Variants in CFAP300 observed in about 807,000 individuals in gnomAD.
The protein encoded by CFAP300 is cilia- and flagella-associated protein 300.
CFAP300 carries 32 observed loss-of-function variants against 33.0 expected under a neutral mutation model. The observed-to-expected ratio is 0.97, with a 90% CI of 0.73 to 1.30. The LOEUF (loss-of-function observed/expected upper bound fraction) is 1.30, where lower values mean the gene tolerates loss of function less well. Among genes scored for constraint, CFAP300 ranks in the 50% most tolerant of loss-of-function variants. CFAP300 has a pLI of 0.00. For missense variants in CFAP300, 356 were observed against 318.1 expected, an observed-to-expected ratio of 1.12 and a Z score of -0.90; for synonymous variants, 102 against 106.8, an observed-to-expected ratio of 0.95 and a Z score of 0.28.
In CFAP300 at chr11:102,047,808, G is replaced by T. The variant is rs1941905585; in HGVS notation, c.111-7G>T. On this transcript the variant is annotated splice_polypyrimidine_tract_variant and splice_region_variant and intron_variant, in intron 1 of 6. Transcript: ENST00000434758. ...CCAGATGATTTCTTTTTCCTCCTCT[G>T]CCCCAGGTCCATGCTGGGCAGAATC... 6 of 1,613,916 alleles carry T rather than the reference G, an allele frequency of 3.7e-6. No individual in the cohort carries two copies. The highest frequency in any genetic ancestry group is 5.1e-6 in the Non-Finnish European group (6 of 1,179,992).
intron 4 of CFAP300, among the ~76,000 whole-genome samples, chr11:102,068,600 A>G (rs1434782541): frequency 6.6e-6 from 1 of 152,196 alleles, no homozygotes; most frequent in Non-Finnish European, 1.5e-5. Context: ...CAGTCTAGCC[A>G]ATATGGCAAA....
At chr11:102,077,009 A>G (rs1172339195) in intron 5 of CFAP300, among the ~76,000 whole-genome samples, 4 of 152,272 alleles carry the variant, frequency 2.6e-5, no homozygotes. Context: ...TACTGTCCTA[A>G]TTATTTGAAG....
chr11:102,052,571 A>G (rs1416384023), intron 2 of CFAP300, among the ~76,000 whole-genome samples: 1 of 152,266 alleles, frequency 6.6e-6, no homozygotes, highest in Admixed American at 6.5e-5. Context: ...CCATAAGAAC[A>G]GGGACTGTGT....
chr11:102,075,986 T>C lies in CFAP300; in HGVS notation c.549T>C (p.Tyr183=). The C allele has an allele frequency of 6.2e-7, 1 of 1,613,954 alleles. No homozygotes were observed. Among genetic ancestry groups the C allele is most frequent in the Non-Finnish European group, 8.5e-7 (1 of 1,179,924 alleles). ...HLCLGGALCQ[Y]EDVISPYLET... is the part of the protein sequence containing the mutation. Reference sequence around the variant, plus strand: ...GCCTTGGTGGAGCCCTTTGTCAATATGAGGATGTGATTAGCCCATATCTGG... The same window carrying C: ...GCCTTGGTGGAGCCCTTTGTCAATACGAGGATGTGATTAGCCCATATCTGG... Residue 183 remains tyrosine (Y), a synonymous_variant, in exon 5 of 7, where the codon TAT becomes TAC. Coordinates refer to ENST00000434758, the MANE Select transcript of CFAP300 (RefSeq NM_032930.3).
intron 3 of CFAP300, among the ~76,000 whole-genome samples, chr11:102,063,287 C>T (rs756453450): frequency 4.6e-5 from 7 of 152,220 alleles, no homozygotes; most frequent in African/African-American, 1.4e-4. Context: ...TGACTTTCTA[C>T]GTTAAGGGCT....
In CFAP300 at chr11:102,083,308, A is replaced by C. The variant is rs1289823501; in HGVS notation, c.*109A>C. The C allele has an allele frequency of 1.7e-5, 15 of 907,778 alleles. No homozygotes were observed. The highest frequency in any genetic ancestry group is 2.2e-5 in the Non-Finnish European group (15 of 687,462). 56.2% of individuals were successfully genotyped at this position (907,778 alleles called of 1,614,324 possible). ...TGCAAATTAATTCAAGAAAAATGTA[A>C]GGAGCCTACTTAGAGCAGAAGAAAG... On this transcript the variant is annotated 3_prime_UTR_variant, in exon 7 of 7. Coordinates refer to ENST00000434758, the MANE Select transcript of CFAP300 (RefSeq NM_032930.3).
rs1942317957 is a variant in CFAP300, at chr11:102,071,898, T to G, written c.436-3975T>G. Among the ~76,000 whole-genome samples, 2 of 152,220 alleles carry G rather than the reference T, an allele frequency of 1.3e-5. 1 individual carries two copies. Among genetic ancestry groups the G allele is most frequent in the South Asian group, 4.1e-4 (2 of 4,834 alleles). On this transcript the variant is annotated intron_variant, in intron 4 of 6. Transcript: ENST00000434758. Reference sequence around the variant, plus strand: ...TGCTGTTTTTAGAATTCTCTTTCTCTTGCTGTTTTTAGAATTCTTTTTCTT... The same window carrying G: ...TGCTGTTTTTAGAATTCTCTTTCTCGTGCTGTTTTTAGAATTCTTTTTCTT...
intron 5 of CFAP300, among the ~76,000 whole-genome samples, chr11:102,077,190 T>C (rs1942407786): frequency 1.3e-5 from 2 of 152,162 alleles, no homozygotes; most frequent in East Asian, 1.9e-4. Flanking sequence ...AATTCCTCAC[T>C]ACTGTGTGCT....
At chr11:102,067,747 A>T (rs1942250280) in intron 4 of CFAP300, among the ~76,000 whole-genome samples, 1 of 152,196 alleles carries the variant, frequency 6.6e-6, no homozygotes, top group South Asian at 2.1e-4. Flanking sequence ...CTCTACAAAA[A>T]TATGAAGAAA....
chr11:102,051,980 G>C (rs1941978274), intron 2 of CFAP300, among the ~76,000 whole-genome samples: 1 of 152,200 alleles, frequency 6.6e-6, no homozygotes, highest in African/African-American at 2.4e-5. Context: ...CTTTCCTAAA[G>C]TTGATATACA....
intron 2 of CFAP300, among the ~76,000 whole-genome samples, chr11:102,050,129 CAAA>C (rs531760240): frequency 2.0e-5 from 3 of 148,086 alleles, no homozygotes; most frequent in African/African-American, 7.4e-5. Context: ...GACCCTGTCT[CAAA>C]AAAAAAATAA....
At chr11:102,060,971 G>A (rs1392978889) in intron 3 of CFAP300, among the ~76,000 whole-genome samples, 1 of 152,178 alleles carries the variant, frequency 6.6e-6, no homozygotes, top group Non-Finnish European at 1.5e-5. Flanking sequence ...TCAGAGCCAT[G>A]TATCACAGTG....
intron 4 of CFAP300, among the ~76,000 whole-genome samples, chr11:102,075,367 G>A (rs751892850): frequency 8.5e-5 from 13 of 152,260 alleles, no homozygotes; most frequent in Admixed American, 3.3e-4. Flanking sequence ...GCAGGAAAGC[G>A]AGAGCTGGAT....
chr11:102,071,592 A>C (rs1208906375), intron 4 of CFAP300, among the ~76,000 whole-genome samples: 2 of 151,726 alleles, frequency 1.3e-5, no homozygotes, highest in African/African-American at 2.4e-5. Flanking sequence ...TGTGTTTTCA[A>C]ATTTTGCTTT....
intron 2 of CFAP300, among the ~76,000 whole-genome samples, chr11:102,048,818 TCTC>T (rs528933981): frequency 7.1e-4 from 108 of 152,256 alleles, no homozygotes; most frequent in African/African-American, 2.3e-3. Flanking sequence ...GTTTTTTTTT[TCTC>T]CTCAATCAAA....
At position 102,047,824 on chromosome 11, in the gene CFAP300, G is replaced by T. The variant is rs747740931; in HGVS notation, c.120G>T (p.Leu40=). The change falls in exon 2 of 7, where the codon CTG becomes CTT. Residue 40 remains leucine (L), a synonymous_variant. Transcript: ENST00000434758. ...ITSRLRQWSM[L]GRIKAQAFGF... is the part of the protein sequence containing the mutation. ...TCCTCCTCTGCCCCAGGTCCATGCT[G>T]GGCAGAATCAAGGCGCAGGCGTTCG... The T allele has an allele frequency of 2.5e-6, 4 of 1,614,022 alleles. No individual in the cohort carries two copies. The highest frequency in any genetic ancestry group is 3.4e-6 in the Non-Finnish European group (4 of 1,180,020).
At chr11:102,066,701 G>A in intron 4 of CFAP300, 50 bp downstream of exon 4, 1 of 1,517,672 alleles carries the variant, frequency 6.6e-7, no homozygotes, top group Non-Finnish European at 8.8e-7. Flanking sequence ...TTCAGGAAAT[G>A]CAAAAATGGC....
At chr11:102,077,319 T>G (rs1340347512) in intron 5 of CFAP300, among the ~76,000 whole-genome samples, 2 of 152,350 alleles carry the variant, frequency 1.3e-5, no homozygotes, top group East Asian at 3.9e-4. Flanking sequence ...TGTGATTCTC[T>G]TCTACATTTT....
chr11:102,073,445 A>T (rs1245286453), intron 4 of CFAP300, among the ~76,000 whole-genome samples: 1 of 152,154 alleles, frequency 6.6e-6, no homozygotes, highest in Admixed American at 6.5e-5. Context: ...GTGCTTGGGC[A>T]CTGGATGGGG....
Sources: allele counts gnomAD v4.1 joint callset (sites outside exome capture counted in the v4.1 genomes callset), GRCh38; gene constraint gnomAD v4.1.1; transcripts MANE v1.5; gene names NCBI Gene and HGNC (gene_info 2026-07-23, HGNC 2026-07-21).